Variants in MYLK observed in about 807,000 individuals in gnomAD.
MYLK encodes myosin light chain kinase.
Under a neutral mutation model 203.4 loss-of-function variants are expected in MYLK, and 106 were observed. The ratio of observed to expected loss-of-function variants is 0.52; its 90% CI spans 0.45 to 0.61. The LOEUF (loss-of-function observed/expected upper bound fraction) is 0.61, where lower values mean the gene tolerates loss of function less well. MYLK is among the 20% of genes least tolerant of loss of function. The pLI is 0.00. For missense variants in MYLK, 2,072 were observed against 2,442.3 expected, an observed-to-expected ratio of 0.85 and a Z score of 3.20; for synonymous variants, 867 against 959.5, an observed-to-expected ratio of 0.90 and a Z score of 1.78.
chr3:123,809,062 T>C (rs952620062), intron 3 of MYLK, among the ~76,000 whole-genome samples: 8 of 152,138 alleles, frequency 5.3e-5, no homozygotes, highest in African/African-American at 1.7e-4. Flanking sequence ...TGCTGCTAGA[T>C]TGCACATAAT....
chr3:123,739,118 C>T, intron 6 of MYLK, 56 bp from the exon 7 acceptor site: 1 of 1,579,172 alleles, frequency 6.3e-7, no homozygotes, highest in Non-Finnish European at 8.7e-7. Context: ...TTCAACCATC[C>T]TCTCTCCACC....
At chr3:123,625,272 AT>A (rs1423702178) in intron 31 of MYLK, 1 of 152,200 alleles carries the variant, frequency 6.6e-6, no homozygotes, top group Non-Finnish European at 1.5e-5. Flanking sequence ...ATGGAGAACT[AT>A]CCGGATAGTT....
intron 3 of MYLK, among the ~76,000 whole-genome samples, chr3:123,824,464 G>A (rs1196139016): frequency 3.9e-5 from 6 of 152,182 alleles, no homozygotes; most frequent in Admixed American, 3.9e-4. Flanking sequence ...CGTGAGAGCA[G>A]GGACTTTGCC....
chr3:123,694,224 G>C (rs1678562649), intron 18 of MYLK, among the ~76,000 whole-genome samples: 1 of 152,184 alleles, frequency 6.6e-6, no homozygotes, highest in Non-Finnish European at 1.5e-5. Context: ...CAAGAGGGCT[G>C]ATCTGCACCC....
chr3:123,739,983 A>C lies in MYLK; in HGVS notation c.392T>G (p.Leu131Arg). The change falls in exon 6 of 34, where the codon CTT (leucine) becomes CGT (arginine). Residue 131 changes from leucine to arginine, a missense_variant. Coordinates refer to ENST00000360304, the MANE Select transcript of MYLK (RefSeq NM_053025.4). ...GGTTTTGGAAACAACAGGCTGACCA[A>C]GCTGCTTCGCAAAACTTCCTGCAAG... ...LTVEGSFAKQ[L>R]GQPVVSKTLG... The C allele has an allele frequency of 3.1e-6, 5 of 1,613,976 alleles. No individual in the cohort carries two copies. The highest frequency in any genetic ancestry group is 4.2e-6 in the Non-Finnish European group (5 of 1,179,862).
chr3:123,840,971 A>G (rs1295201127), intron 2 of MYLK, among the ~76,000 whole-genome samples: 1 of 152,136 alleles, frequency 6.6e-6, no homozygotes, highest in Non-Finnish European at 1.5e-5. Context: ...GGTCTCAGGT[A>G]ATGTTAGAAG....
chr3:123,881,922 ACCCCCGC>A (rs2033570970), intron 1 of MYLK, among the ~76,000 whole-genome samples: 1 of 151,958 alleles, frequency 6.6e-6, no homozygotes, highest in African/African-American at 2.4e-5. Context: ...TCAGCAGATT[ACCCCCGC>A]CACCTGCCAG....
chr3:123,758,171 A>T (rs1290535317), intron 4 of MYLK, among the ~76,000 whole-genome samples: 1 of 152,192 alleles, frequency 6.6e-6, no homozygotes, highest in Non-Finnish European at 1.5e-5. Context: ...AGCCAGGGGC[A>T]TGGCATGACC....
At chr3:123,632,994 C>A (rs1404557378) in intron 29 of MYLK, among the ~76,000 whole-genome samples, 3 of 152,146 alleles carry the variant, frequency 2.0e-5, no homozygotes, top group African/African-American at 7.2e-5. Context: ...TGGGGTTTCA[C>A]CATGTTGCCC....
chr3:123,655,670 G>A (rs1273696898), intron 24 of MYLK, among the ~76,000 whole-genome samples: 1 of 152,172 alleles, frequency 6.6e-6, no homozygotes, highest in Non-Finnish European at 1.5e-5. Context: ...AGGAGCACAA[G>A]CTTCAGGCCA....
intron 4 of MYLK, among the ~76,000 whole-genome samples, chr3:123,774,651 C>G (rs1482738919): frequency 6.6e-6 from 1 of 152,122 alleles, no homozygotes; most frequent in Non-Finnish European, 1.5e-5. Context: ...AGTCTTTTGG[C>G]AAGATATTTC....
rs184212180 is a variant in MYLK, at chr3:123,879,857, C to T, written c.-185-3240G>A. Among the ~76,000 whole-genome samples the T allele has an allele frequency of 6.8e-3, 1,030 of 152,202 alleles. 6 individuals are homozygous for T. Among genetic ancestry groups the T allele is most frequent in the South Asian group, 0.016 (78 of 4,812 alleles). On this transcript the variant is annotated intron_variant, in intron 1 of 33. Transcript: ENST00000360304. ...TTTTAGTAGAGACGGGGTTTCACCG[C>T]GTTAGCCAGGATGGTCTCAATCTCC...
chr3:123,843,445 G>A (rs2066641641), intron 2 of MYLK, among the ~76,000 whole-genome samples: 1 of 152,100 alleles, frequency 6.6e-6, no homozygotes. Context: ...GCAGGACAAG[G>A]AGACTATATA....
At chr3:123,879,109 T>A (rs2033348933) in intron 1 of MYLK, among the ~76,000 whole-genome samples, 1 of 152,136 alleles carries the variant, frequency 6.6e-6, no homozygotes, top group South Asian at 2.1e-4. Flanking sequence ...ATATGAGGCA[T>A]GAAAAGAGAA....
At chr3:123,643,395 T>A (rs1274398975) in intron 27 of MYLK, among the ~76,000 whole-genome samples, 1 of 152,230 alleles carries the variant, frequency 6.6e-6, no homozygotes, top group Non-Finnish European at 1.5e-5. Flanking sequence ...GTGGTGGGAA[T>A]CTGAGCCATG....
At chr3:123,836,045 CCA>C (rs1000449963) in intron 2 of MYLK, 14 of 152,154 alleles carry the variant, frequency 9.2e-5, no homozygotes, top group Non-Finnish European at 2.9e-5. Flanking sequence ...ACACAGTTGT[CCA>C]CAGTTTATTG....
Position 123,700,619 on chromosome 3 carries a change from T to G in MYLK, c.2849A>C (p.Gln950Pro), listed in dbSNP as rs200536833. The change falls in exon 18 of 34, where the codon CAG becomes CCG. Residue 950 changes from glutamine to proline, a missense_variant. By Grantham distance (76) the Gln-to-Pro change is moderately conservative. This residue lies in a region of MYLK where 865 missense variants were observed against 1,016.0 expected (regional missense o/e 0.85). Transcript: ENST00000360304. ...EEERKVHSPQQVDFRSVLAKK... is the reference protein window; with the variant it reads ...EEERKVHSPQPVDFRSVLAKK... Reference sequence around the variant, plus strand: ...GGCCAGGACAGAGCGAAAATCGACCTGCTGGGGGCTGTGCACCTTCCTCTC... The same window carrying G: ...GGCCAGGACAGAGCGAAAATCGACCGGCTGGGGGCTGTGCACCTTCCTCTC... 3 of 1,613,970 alleles carry G rather than the reference T, an allele frequency of 1.9e-6. No individual in the cohort carries two copies. Among genetic ancestry groups the G allele is most frequent in the East Asian group, 2.2e-5 (1 of 44,864 alleles).
At chr3:123,647,147 G>C (rs1005846700) in intron 27 of MYLK, 77 bp downstream of exon 27, 13 of 1,337,272 alleles carry the variant, frequency 9.7e-6, no homozygotes, top group Non-Finnish European at 1.4e-5. Flanking sequence ...GGGCAGAGGT[G>C]GCTGGGGTAG....
Position 123,728,582 on chromosome 3 carries a change from AAAC to A in MYLK, c.1517-2507_1517-2505del, listed in dbSNP as rs60294228. ...CTGCCCCTCCACCCTCCCAAACAACAAACAACAACAACAACAACAACAACAACA... is the reference window on the plus strand; with the variant it reads ...CTGCCCCTCCACCCTCCCAAACAACAAACAACAACAACAACAACAACAACA... On this transcript the variant is annotated intron_variant, in intron 11 of 33. Coordinates refer to ENST00000360304, the MANE Select transcript of MYLK (RefSeq NM_053025.4). Among the ~76,000 whole-genome samples the A allele has an allele frequency of 2.8e-3, 426 of 151,654 alleles. 2 individuals are homozygous for A. Among genetic ancestry groups the A allele is most frequent in the African/African-American group, 6.8e-3 (280 of 41,252 alleles).
Sources: allele counts gnomAD v4.1 joint callset (sites outside exome capture counted in the v4.1 genomes callset), GRCh38; gene constraint gnomAD v4.1.1; regional missense constraint gnomAD v4.1.1; transcripts MANE v1.5; gene names NCBI Gene and HGNC (gene_info 2026-07-23, HGNC 2026-07-21).